Variants in TNPO3 observed in about 807,000 individuals in gnomAD.
The protein encoded by TNPO3 is transportin 3.
TNPO3 carries 65 observed loss-of-function variants against 122.8 expected under a neutral mutation model. The observed-to-expected ratio is 0.53, with a 90% CI of 0.43 to 0.65. The LOEUF is 0.65. TNPO3 is among the 30% of genes least tolerant of loss of function. The probability of loss-of-function intolerance (pLI) is 0.00; values close to 1 mark genes in which losing one functional copy is unlikely to be tolerated. For synonymous variants in TNPO3, 372 were observed against 411.2 expected, an observed-to-expected ratio of 0.90 and a Z score of 1.15; for missense variants, 850 against 1,136.7, an observed-to-expected ratio of 0.75 and a Z score of 3.63.
intron 1 of TNPO3, among the ~76,000 whole-genome samples, chr7:129,037,135 A>G (rs1806780413): frequency 6.6e-6 from 1 of 152,262 alleles, no homozygotes; most frequent in Non-Finnish European, 1.5e-5. Context: ...CTGATTATAT[A>G]AAGCAATAAT....
At chr7:128,959,878 G>A (rs935020947) in intron 21 of TNPO3, among the ~76,000 whole-genome samples, 5 of 152,106 alleles carry the variant, frequency 3.3e-5, no homozygotes, top group Non-Finnish European at 7.3e-5. Context: ...AAAATTAGCC[G>A]TGTGTGGTGG....
chr7:129,013,714 C>T (rs375816094), intron 4 of TNPO3, among the ~76,000 whole-genome samples: 2 of 152,232 alleles, frequency 1.3e-5, no homozygotes, highest in African/African-American at 4.8e-5. Flanking sequence ...ATGGAATCAA[C>T]CTAAGTACCT....
chr7:128,959,246 G>A (rs761212893), intron 21 of TNPO3, among the ~76,000 whole-genome samples: 3 of 152,298 alleles, frequency 2.0e-5, no homozygotes, highest in African/African-American at 4.8e-5. Flanking sequence ...TATCACAAGG[G>A]ACTAGGATAA....
chr7:128,980,638 C>A (rs746146288), intron 14 of TNPO3, among the ~76,000 whole-genome samples: 1 of 151,912 alleles, frequency 6.6e-6, no homozygotes, highest in East Asian at 1.9e-4. Context: ...TGCAGTGAAC[C>A]GAGATCACAC....
rs773496886 is a variant in TNPO3 at position 128,972,551 on chromosome 7, G to A, written c.2305C>T (p.Arg769Trp). 9.3e-6 allele frequency: 15 copies of A among 1,613,938 alleles called. 1 individual carries two copies. The highest frequency in any genetic ancestry group is 3.3e-4 in the Middle Eastern group (2 of 6,084). Residue 769 changes from arginine (R) to tryptophan (W), a missense_variant, in exon 19 of 23, where the codon CGG (arginine) becomes TGG (tryptophan). Coordinates refer to ENST00000265388, the MANE Select transcript of TNPO3 (RefSeq NM_012470.4). ...FIQRSPVTLL[R>W]SQVVIPILQW... ...AAGATAGGGATGACCACTTGGCTCCGCAGCAAGGTGACAGGGCTACGCTGA... is the reference window on the plus strand; with the variant it reads ...AAGATAGGGATGACCACTTGGCTCCACAGCAAGGTGACAGGGCTACGCTGA...
intron 22 of TNPO3, among the ~76,000 whole-genome samples, chr7:128,955,649 G>A (rs1250116423): frequency 6.6e-6 from 1 of 152,220 alleles, no homozygotes; most frequent in East Asian, 1.9e-4. Flanking sequence ...TGTGTCAGGA[G>A]GGCAAAGAGC....
At chr7:129,043,312 A>T (rs2150544837) in intron 1 of TNPO3, among the ~76,000 whole-genome samples, 2 of 151,550 alleles carry the variant, frequency 1.3e-5, no homozygotes, top group East Asian at 3.9e-4. Flanking sequence ...GGGGTAGGGG[A>T]CTGAGGTGGG....
At chr7:128,984,449 T>C (rs536684110) in intron 12 of TNPO3, among the ~76,000 whole-genome samples, 190 bp from the exon 13 acceptor site, 77 of 152,352 alleles carry the variant, frequency 5.1e-4, no homozygotes, top group Non-Finnish European at 9.8e-4. Context: ...TTTATTGGGC[T>C]CAGAAGGCTA....
At chr7:128,986,629 C>G (rs772353920) in intron 12 of TNPO3, 100 bp downstream of exon 12, 1 of 1,132,354 alleles carries the variant, frequency 8.8e-7, no homozygotes, top group Non-Finnish European at 1.3e-6. Context: ...TTCTTAAACA[C>G]TAAGTACATT....
At chr7:129,034,004 T>C (rs141451216) in intron 1 of TNPO3, among the ~76,000 whole-genome samples, 35 of 151,112 alleles carry the variant, frequency 2.3e-4, no homozygotes, top group African/African-American at 8.0e-4. Context: ...AACCAAGAGA[T>C]AGAAGCAACC....
chr7:129,027,183 A>G (rs1460067775), intron 1 of TNPO3, among the ~76,000 whole-genome samples: 1 of 152,154 alleles, frequency 6.6e-6, no homozygotes, highest in Non-Finnish European at 1.5e-5. Flanking sequence ...CAATAAAGCT[A>G]TCTCTCTCAT....
intron 1 of TNPO3, among the ~76,000 whole-genome samples, chr7:129,024,457 GTTT>G (rs1490196003): frequency 3.9e-5 from 6 of 152,284 alleles, no homozygotes; most frequent in Admixed American, 1.3e-4. Flanking sequence ...CAATAAAATG[GTTT>G]TTATTTCAAA....
chr7:129,005,806 G>C (rs569311028), intron 4 of TNPO3, among the ~76,000 whole-genome samples: 6 of 144,624 alleles, frequency 4.1e-5, no homozygotes, highest in Admixed American at 3.5e-4. Context: ...TTTTGAGATG[G>C]AGTATTGCTC....
chr7:128,972,875 T>C (rs1446449076), intron 18 of TNPO3, among the ~76,000 whole-genome samples: 1 of 152,100 alleles, frequency 6.6e-6, no homozygotes, highest in Non-Finnish European at 1.5e-5. Flanking sequence ...GATGTGTTCA[T>C]ATAGGGTCAC....
chr7:128,992,179 C>T (rs561368049), intron 9 of TNPO3, 89 bp from the exon 10 acceptor site: 6 of 672,702 alleles, frequency 8.9e-6, no homozygotes, highest in African/African-American at 3.7e-5. Context: ...AAAGTAAATC[C>T]TGCTTCTTGT....
chr7:128,972,707 A>G, intron 18 of TNPO3, 125 bp from the exon 19 acceptor site: 1 of 786,420 alleles, frequency 1.3e-6, no homozygotes, highest in Non-Finnish European at 2.0e-6. Context: ...TCAGGGAAGA[A>G]GGGATGAATA....
chr7:129,036,832 G>A lies in TNPO3; in HGVS notation c.120+17819C>T, dbSNP rs957824014. On this transcript the variant is annotated intron_variant, in intron 1 of 22. Coordinates refer to ENST00000265388, the MANE Select transcript of TNPO3 (RefSeq NM_012470.4). Reference sequence around the variant, plus strand: ...GGAAATTCTGGAAGTAAAAAAATACGGTAACTGAAATTAAGAACCATTAGA... The same window carrying A: ...GGAAATTCTGGAAGTAAAAAAATACAGTAACTGAAATTAAGAACCATTAGA... 3.9e-5 allele frequency among the ~76,000 whole-genome samples: 6 copies of A among 151,960 alleles called. No homozygotes were observed. In the East Asian group the frequency reaches 5.8e-4, roughly 15 times the overall value.
rs192358399 is a variant in TNPO3, at chr7:128,991,611, A to T, written c.1358+388T>A. 2.0e-5 allele frequency among the ~76,000 whole-genome samples: 3 copies of T among 152,318 alleles called. No individual in the cohort carries two copies. The East Asian group carries it at 5.8e-4, about 29-fold the overall frequency. ...GAAACAATGTAATTAATTTTGTAAG[A>T]ATAACTTACCCAAGGTCACAAAAGC... On this transcript the variant is annotated intron_variant, in intron 10 of 22. Coordinates refer to ENST00000265388, the MANE Select transcript of TNPO3 (RefSeq NM_012470.4).
chr7:129,004,742 G>GA (rs1802383278), intron 5 of TNPO3, among the ~76,000 whole-genome samples: 1 of 152,016 alleles, frequency 6.6e-6, no homozygotes, highest in Non-Finnish European at 1.5e-5. Context: ...TTTAAAACAA[G>GA]GAAAAAGATA....
Sources: allele counts gnomAD v4.1 joint callset (sites outside exome capture counted in the v4.1 genomes callset), GRCh38; gene constraint gnomAD v4.1.1; transcripts MANE v1.5; gene names NCBI Gene and HGNC (gene_info 2026-07-23, HGNC 2026-07-21).